The following MX2 variants were observed in gnomAD, a reference collection of about 807,000 sequenced individuals.
MX2 encodes the protein interferon-induced GTP-binding protein Mx2.
Under a neutral mutation model 74.0 loss-of-function variants are expected in MX2, and 51 were observed. The ratio of observed to expected loss-of-function variants is 0.69; its 90% CI spans 0.55 to 0.87. The LOEUF (loss-of-function observed/expected upper bound fraction) is 0.87, where lower values mean the gene tolerates loss of function less well. MX2 is among the 40% of genes least tolerant of loss of function. The pLI is 0.00. For synonymous variants in MX2, 369 were observed against 339.3 expected, an observed-to-expected ratio of 1.09 and a Z score of -0.96; for missense variants, 832 against 908.7, an observed-to-expected ratio of 0.92 and a Z score of 1.09.
At chr21:41,392,301 T>C (rs1221545326) in intron 6 of MX2, among the ~76,000 whole-genome samples, 4 of 152,212 alleles carry the variant, frequency 2.6e-5, no homozygotes, top group African/African-American at 7.2e-5. Flanking sequence ...AAATAAAACG[T>C]GGCATATACG....
chr21:41,382,317 C>A, intron 4 of MX2, 93 bp from the exon 5 acceptor site: 1 of 1,454,702 alleles, frequency 6.9e-7, no homozygotes, highest in Non-Finnish European at 9.2e-7. Context: ...AGCTCTCATA[C>A]CCTGGAAAGG....
In MX2 at chr21:41,408,008, C is replaced by T. The variant is rs775307125; in HGVS notation, c.1923C>T (p.Leu641=). 5 of 1,614,156 alleles carry T rather than the reference C, an allele frequency of 3.1e-6. No individual in the cohort carries two copies. The highest frequency in any genetic ancestry group is 1.1e-5 in the South Asian group (1 of 91,082). The change falls in exon 14 of 14, where the codon CTC becomes CTT. Residue 641 remains leucine (L), a synonymous_variant. Coordinates refer to ENST00000330714, the MANE Select transcript of MX2 (RefSeq NM_002463.2). Reference sequence around the variant, plus strand: ...TCTTCCAGGAAACCAGCAAACGTCTCGCCAACCAGATCCCATTTATAATTC... The same window carrying T: ...TCTTCCAGGAAACCAGCAAACGTCTTGCCAACCAGATCCCATTTATAATTC... ...NAYFLETSKR[L]ANQIPFIIQY...
intron 1 of MX2, chr21:41,365,681 A>G (rs951186818): frequency 3.3e-5 from 5 of 152,242 alleles, no homozygotes; most frequent in Non-Finnish European, 5.9e-5. Context: ...CGGTGCTGCC[A>G]TGAACATTCG....
chr21:41,407,007 C>G lies in MX2; in HGVS notation c.1905+9C>G. On this transcript the variant is annotated intron_variant, in intron 13 of 13. Coordinates refer to ENST00000330714, the MANE Select transcript of MX2 (RefSeq NM_002463.2). ...TGAATGCCTACTTCTTGGTGAGTTC[C>G]CGGCGGGGCAGGAGCCGTGCTCTCT... 1 of 1,608,854 alleles carries G rather than the reference C, an allele frequency of 6.2e-7. No individual in the cohort carries two copies. Among genetic ancestry groups the G allele is most frequent in the Non-Finnish European group, 8.5e-7 (1 of 1,175,724 alleles).
In MX2 at chr21:41,380,191, C is replaced by CT; in HGVS notation, c.577+41dup. The CT allele has an allele frequency of 6.2e-7, 1 of 1,612,126 alleles. No individual in the cohort carries two copies. Among genetic ancestry groups the CT allele is most frequent in the Non-Finnish European group, 8.5e-7 (1 of 1,178,710 alleles). ...TTCTGAGGTTCGGATCTGGCAGCCG[C>CT]TCCTCTCACTTCCTCGGTTCCTTCT... On this transcript the variant is annotated intron_variant, in intron 4 of 13. Transcript: ENST00000330714. This position sits in a 1 kb window ranked among gnomAD's most constrained non-coding sequence, Gnocchi z 4.3.
intron 5 of MX2, among the ~76,000 whole-genome samples, chr21:41,387,253 CAT>C (rs1405918301): frequency 1.3e-5 from 2 of 152,284 alleles, no homozygotes; most frequent in African/African-American, 4.8e-5. Flanking sequence ...AGCAAGAACA[CAT>C]GTGTCTTTCA....
intron 1 of MX2, among the ~76,000 whole-genome samples, chr21:41,370,015 C>T (rs1300540883): frequency 6.6e-6 from 1 of 152,170 alleles, no homozygotes; most frequent in Non-Finnish European, 1.5e-5. Context: ...GATTGTTTTG[C>T]TAGACTCGAC....
chr21:41,403,503 C>T, intron 12 of MX2, 160 bp downstream of exon 12: 1 of 753,948 alleles, frequency 1.3e-6, no homozygotes, highest in African/African-American at 1.7e-5. Flanking sequence ...CTGGTGACTC[C>T]AGGAGCACCT....
intron 12 of MX2, among the ~76,000 whole-genome samples, chr21:41,405,074 C>A (rs188726246): frequency 6.6e-6 from 1 of 151,686 alleles, no homozygotes; most frequent in African/African-American, 2.4e-5. Context: ...TTTGGGAGGC[C>A]GAGGCGGGCA....
chr21:41,381,819 G>A (rs1407438038), intron 4 of MX2, among the ~76,000 whole-genome samples: 2 of 152,142 alleles, frequency 1.3e-5, no homozygotes, highest in Non-Finnish European at 1.5e-5. Context: ...AAACCATCTG[G>A]CAATCTTCAC....
At chr21:41,364,951 TG>T (rs1289784729) in intron 1 of MX2, 9 of 152,260 alleles carry the variant, frequency 5.9e-5, no homozygotes, top group African/African-American at 1.7e-4. Context: ...CTGACTCAAA[TG>T]TTAATCTCCT....
At chr21:41,393,227 CTTAGAGAATATCAAGTTTCAAA>C (rs1403537195) in intron 6 of MX2, among the ~76,000 whole-genome samples, 3 of 151,286 alleles carry the variant, frequency 2.0e-5, no homozygotes, top group East Asian at 3.9e-4. Context: ...ATAACAGTGG[CTTAGAGAATATCAAGTTTCAAA>C]AAGAACAGTG....
chr21:41,374,593 C>G lies in MX2; in HGVS notation c.-71-2243C>G, dbSNP rs1253660608. 2.6e-5 allele frequency among the ~76,000 whole-genome samples: 4 copies of G among 152,186 alleles called. No homozygotes were observed. The South Asian group carries it at 8.3e-4, about 31-fold the overall frequency. ...AGGTGGGAGAAGGAGGAAGTTGTCCCCAGTTGTCCCACCTCAGGATGGGAG... is the reference window on the plus strand; with the variant it reads ...AGGTGGGAGAAGGAGGAAGTTGTCCGCAGTTGTCCCACCTCAGGATGGGAG... On this transcript the variant is annotated intron_variant, in intron 1 of 13. Coordinates refer to ENST00000330714, the MANE Select transcript of MX2 (RefSeq NM_002463.2).
intron 5 of MX2, chr21:41,390,230 G>C (rs2255764): frequency 3.5e-6 from 1 of 284,688 alleles, no homozygotes; most frequent in Admixed American, 4.1e-5. Flanking sequence ...TACAACATAC[G>C]CACAAGTCAC....
intron 9 of MX2, 40 bp downstream of exon 9, chr21:41,399,059 T>C: frequency 6.2e-7 from 1 of 1,601,020 alleles, no homozygotes; most frequent in Non-Finnish European, 8.5e-7. Flanking sequence ...ACTGCATCCT[T>C]CCCTGGTGGC....
intron 1 of MX2, among the ~76,000 whole-genome samples, chr21:41,376,353 G>C (rs1266677601): frequency 6.6e-6 from 1 of 152,054 alleles, no homozygotes; most frequent in Non-Finnish European, 1.5e-5. Flanking sequence ...GAGCAACATG[G>C]CAAAAAACCC....
chr21:41,408,130 A>C lies in MX2; in HGVS notation c.2045A>C (p.Gln682Pro), dbSNP rs1219491231. 6.2e-7 allele frequency: 1 copy of C among 1,614,256 alleles called. No individual in the cohort carries two copies. Among genetic ancestry groups the C allele is most frequent in the East Asian group, 2.2e-5 (1 of 44,888 alleles). Residue 682 changes from glutamine (Q) to proline (P), a missense_variant, in exon 14 of 14, where the codon CAG becomes CCG. By Grantham distance (76) the Gln-to-Pro change is moderately conservative. Transcript: ENST00000330714. ...KNRYSWLLQEQSETATKRRIL... is the reference protein window; with the variant it reads ...KNRYSWLLQEPSETATKRRIL... ...CGCTATTCCTGGCTGCTTCAAGAGC[A>C]GAGTGAGACCGCTACCAAGAGAAGA...
At chr21:41,386,123 G>C (rs2089569804) in intron 5 of MX2, among the ~76,000 whole-genome samples, 1 of 148,776 alleles carries the variant, frequency 6.7e-6, no homozygotes, top group African/African-American at 2.5e-5. Context: ...AGGAGGCTGA[G>C]GCAGGAGAAT....
chr21:41,395,635 T>C lies in MX2; in HGVS notation c.920T>C (p.Val307Ala). ...ATGGACAGGGGCACTGAGAAAAGCG[T>C]CATGAATGTGGTGCGGAACCTCACG... ...DLMDRGTEKS[V>A]MNVVRNLTYP... is the part of the protein sequence containing the mutation. Residue 307 changes from valine (V) to alanine (A), a missense_variant, in exon 7 of 14, where the codon GTC becomes GCC. Coordinates refer to ENST00000330714, the MANE Select transcript of MX2 (RefSeq NM_002463.2). 6.2e-7 allele frequency: 1 copy of C among 1,614,112 alleles called. No homozygotes were observed. The highest frequency in any genetic ancestry group is 8.5e-7 in the Non-Finnish European group (1 of 1,180,022).
Sources: allele counts gnomAD v4.1 joint callset (sites outside exome capture counted in the v4.1 genomes callset), GRCh38; gene constraint gnomAD v4.1.1; non-coding constraint Gnocchi (gnomAD v3.1); transcripts MANE v1.5; gene names NCBI Gene and HGNC (gene_info 2026-07-23, HGNC 2026-07-21).